The following FTSJ3 variants were observed in gnomAD, a reference collection of about 807,000 sequenced individuals.
FTSJ3 encodes FtsJ RNA 2'-O-methyltransferase 3.
Under a neutral mutation model 111.5 loss-of-function variants are expected in FTSJ3, and 46 were observed. The ratio of observed to expected loss-of-function variants is 0.41; its 90% CI spans 0.33 to 0.53. FTSJ3 has a LOEUF of 0.53. FTSJ3 is among the 20% of genes least tolerant of loss of function. FTSJ3 has a pLI of 0.19. For synonymous variants in FTSJ3, 408 were observed against 383.0 expected (o/e 1.07, Z -0.76); for missense variants, 1,075 against 1,063.8 (o/e 1.01, Z -0.15).
intron 19 of FTSJ3, 35 bp from the exon 20 acceptor site, chr17:63,820,208 T>TTCCCCCCCCC: frequency 7.2e-6 from 5 of 694,922 alleles, no homozygotes; most frequent in South Asian, 4.6e-5. Context: ...CTCTTCCCCA[T>TTCCCCCCCCC]CCCCCCACCC....
intron 18 of FTSJ3, 102 bp downstream of exon 18, chr17:63,820,737 T>C: frequency 1.3e-6 from 1 of 795,052 alleles, no homozygotes; most frequent in Non-Finnish European, 2.1e-6. Flanking sequence ...GCCATTGCAC[T>C]CCAGCCTGGG....
At chr17:63,826,990 TC>T (rs371513768) in intron 1 of FTSJ3, 61 bp downstream of exon 1, 2 of 171,992 alleles carry the variant, frequency 1.2e-5, no homozygotes, top group African/African-American at 1.1e-3. Flanking sequence ...ACTTCCAGTT[TC>T]CCACTTCCAG....
Position 63,826,627 on chromosome 17 carries a change from C to T in FTSJ3, c.113G>A (p.Arg38His), listed in dbSNP as rs1364698514. ...TCGGGCTTTCTGCAGGAACTGAAAGCGGCGATTGAGCTGGATCAGCTTGAA... is the reference window on the plus strand; with the variant it reads ...TCGGGCTTTCTGCAGGAACTGAAAGTGGCGATTGAGCTGGATCAGCTTGAA... ...SAFKLIQLNR[R>H]FQFLQKARAL... Residue 38 changes from arginine to histidine, a missense_variant, in exon 3 of 21, where the codon CGC (arginine) becomes CAC (histidine). Physicochemically the swap from Arg to His is conservative, Grantham distance 29 (BLOSUM62 0). Around this residue, in one of 2 missense-constraint regions of FTSJ3, gnomAD observed 208 missense variants for 266.9 expected, o/e 0.78. Transcript: ENST00000427159. 1.9e-5 allele frequency: 30 copies of T among 1,613,982 alleles called. No individual in the cohort carries two copies. In the East Asian group the frequency reaches 6.5e-4, roughly 35 times the overall value.
chr17:63,820,970 A>C, intron 17 of FTSJ3, 32 bp from the exon 18 acceptor site: 2 of 1,611,098 alleles, frequency 1.2e-6, no homozygotes, highest in Middle Eastern at 3.3e-4. Context: ...TCAAAGCTCA[A>C]TTCCCAATAC....
chr17:63,827,315 C>A lies in FTSJ3; in HGVS notation c.-290G>T. On this transcript the variant is annotated 5_prime_UTR_variant, in exon 1 of 21. Transcript: ENST00000427159. ...ACTCCTTCCTCATCCCCTTCCAAAG[C>A]CCCTGAACTCGAGTAGCCGCCCCTC... The A allele has an allele frequency of 2.6e-6, 2 of 759,328 alleles. No individual in the cohort carries two copies. The highest frequency in any genetic ancestry group is 1.7e-5 in the South Asian group (1 of 58,184). The allele number at this position is 759,328 out of a possible 1,614,324, so 47.0% of individuals were successfully genotyped here.
At position 63,820,254 on chromosome 17, in the gene FTSJ3, C is replaced by T; in HGVS notation, c.2256+1G>A. ...CAATCTCTGGAGGCCCCATCACTTA[C>T]CCTCCTTTTCTTTCTAGCCTTAGCC... On this transcript the variant is annotated splice_donor_variant, in intron 19 of 20. Coordinates refer to ENST00000427159, the MANE Select transcript of FTSJ3 (RefSeq NM_017647.4). LOFTEE classifies it high-confidence loss of function. 7.0e-7 allele frequency: 1 copy of T among 1,436,264 alleles called. No individual in the cohort carries two copies. The highest frequency in any genetic ancestry group is 9.4e-7 in the Non-Finnish European group (1 of 1,058,228). The allele number at this position is 1,436,264 out of a possible 1,614,324, so 89.0% of individuals were successfully genotyped here.
At chr17:63,824,517 A>G in intron 10 of FTSJ3, 106 bp from the exon 11 acceptor site, 2 of 1,458,772 alleles carry the variant, frequency 1.4e-6, no homozygotes, top group East Asian at 2.3e-5. Context: ...ACATAAATCA[A>G]AAGGCTCAGG....
Position 63,826,861 on chromosome 17 carries a change from C to T in FTSJ3, c.42G>A (p.Lys14=). 5 of 1,614,142 alleles carry T rather than the reference C, an allele frequency of 3.1e-6. No individual in the cohort carries two copies. Among genetic ancestry groups the T allele is most frequent in the East Asian group, 2.2e-5 (1 of 44,890 alleles). ...KGKVGKSRRD[K]FYHLAKETGY... Reference sequence around the variant, plus strand: ...CCGTCTCCTTCGCCAAGTGATAAAACTTGTCTCGTCGGCTCTTGCCAACTT... The same window carrying T: ...CCGTCTCCTTCGCCAAGTGATAAAATTTGTCTCGTCGGCTCTTGCCAACTT... Residue 14 remains lysine (K), a synonymous_variant, in exon 2 of 21, where the codon AAG becomes AAA. Coordinates refer to ENST00000427159, the MANE Select transcript of FTSJ3 (RefSeq NM_017647.4).
rs956530050 is a variant in FTSJ3, at chr17:63,827,279, G to A, written c.-254C>T. ...CAGAGTTTCAATGAGGCAACACTGA[G>A]GAGGAGTTCTACTCCTTCCTCATCC... On this transcript the variant is annotated 5_prime_UTR_variant, in exon 1 of 21. Coordinates refer to ENST00000427159, the MANE Select transcript of FTSJ3 (RefSeq NM_017647.4). 19 of 628,930 alleles carry A rather than the reference G, an allele frequency of 3.0e-5. No individual in the cohort carries two copies. Among genetic ancestry groups the A allele is most frequent in the Non-Finnish European group, 4.7e-5 (17 of 359,002 alleles). 39.0% of individuals were successfully genotyped at this position (628,930 alleles called of 1,614,324 possible).
intron 12 of FTSJ3, 41 bp downstream of exon 12, chr17:63,824,043 C>T: frequency 6.2e-7 from 1 of 1,613,976 alleles, no homozygotes; most frequent in Non-Finnish European, 8.5e-7. Context: ...CACACAGTCC[C>T]TGCGTTGGGG....
Position 63,821,817 on chromosome 17 carries a change from TCA to T in FTSJ3, c.1500_1501del (p.Asp500GlufsTer2). On this transcript the variant is annotated frameshift_variant, in exon 15 of 21. Transcript: ENST00000427159. LOFTEE classifies it high-confidence loss of function. ...ATTCTCCTCCTCCTCCTCCTCTTTA[TCA>T]TCTTGCACTTCAGTAAGTCGCATAC... 1.9e-6 allele frequency: 3 copies of T among 1,614,098 alleles called. No homozygotes were observed. The highest frequency in any genetic ancestry group is 2.5e-6 in the Non-Finnish European group (3 of 1,180,024).
chr17:63,821,468 G>A lies in FTSJ3; in HGVS notation c.1772C>T (p.Ala591Val). ...EIMSPLYQDE[A>V]PKGTEASSGT... ...CGAAGAAGCCTCTGTTCCCTTAGGG[G>A]CTTCATCTTGGTACAGGGGAGACAT... The change falls in exon 16 of 21, where the codon GCC (alanine) becomes GTC (valine). Residue 591 changes from alanine to valine, a missense_variant. Physicochemically the swap from Ala to Val is moderately conservative, Grantham distance 64. Coordinates refer to ENST00000427159, the MANE Select transcript of FTSJ3 (RefSeq NM_017647.4). The A allele has an allele frequency of 6.2e-7, 1 of 1,614,184 alleles. No individual in the cohort carries two copies. The highest frequency in any genetic ancestry group is 8.5e-7 in the Non-Finnish European group (1 of 1,180,038).
intron 5 of FTSJ3, 123 bp downstream of exon 5, chr17:63,825,933 C>G: frequency 1.3e-6 from 1 of 785,776 alleles, no homozygotes; most frequent in Non-Finnish European, 2.1e-6. Flanking sequence ...TAGGTCTTGT[C>G]GTACAGATGT....
At position 63,823,873 on chromosome 17, in the gene FTSJ3, T is replaced by C; in HGVS notation, c.1234A>G (p.Ile412Val). 2 of 1,614,176 alleles carry C rather than the reference T, an allele frequency of 1.2e-6. No homozygotes were observed. The highest frequency in any genetic ancestry group is 1.7e-6 in the Non-Finnish European group (2 of 1,180,030). Residue 412 changes from isoleucine to valine, a missense_variant, in exon 13 of 21, where the codon ATT (isoleucine) becomes GTT (valine). Transcript: ENST00000427159. ...ATGCCAGTCTCCCCCTCGTCTGCAA[T>C]GGAAACCCCAGGCAGATCCATCTTC... ...ELKMDLPGVSIADEGETGMFS... is the reference protein window; with the variant it reads ...ELKMDLPGVSVADEGETGMFS...
intron 17 of FTSJ3, 38 bp from the exon 18 acceptor site, chr17:63,820,976 A>G: frequency 1.2e-6 from 2 of 1,610,398 alleles, no homozygotes; most frequent in Non-Finnish European, 1.7e-6. Context: ...CTCAATTCCC[A>G]ATACTGAGAC....
At position 63,820,367 on chromosome 17, in the gene FTSJ3, C is replaced by T. The variant is rs1294267154; in HGVS notation, c.2144G>A (p.Arg715Gln). 8.1e-6 allele frequency: 13 copies of T among 1,614,180 alleles called. No homozygotes were observed. The highest frequency in any genetic ancestry group is 1.3e-5 in the African/African-American group (1 of 75,038). Residue 715 changes from arginine (R) to glutamine (Q), a missense_variant, in exon 19 of 21, where the codon CGA becomes CAA. By Grantham distance (43) the Arg-to-Gln change is conservative (BLOSUM62 1). This residue lies in a region of FTSJ3 where 867 missense variants were observed against 796.9 expected (regional missense o/e 1.09). Coordinates refer to ENST00000427159, the MANE Select transcript of FTSJ3 (RefSeq NM_017647.4). ...CTCCTTCTTACCAACAGGCAACTGT[C>T]GTATCCGGTGCTGCTTTTCCTCTTG... ...FVQEEKQHRI[R>Q]QLPVGKKEVE...
At position 63,821,939 on chromosome 17, in the gene FTSJ3, TC is replaced by T. The variant is rs756793505; in HGVS notation, c.1475+44del. ...CTCTGGTAGTACCCACCCTAACACT[TC>T]CTCAGAGTGGCAGCATTCCCTTTGG... On this transcript the variant is annotated intron_variant, in intron 14 of 20. Coordinates refer to ENST00000427159, the MANE Select transcript of FTSJ3 (RefSeq NM_017647.4). The T allele has an allele frequency of 7.4e-6, 12 of 1,612,196 alleles. No individual in the cohort carries two copies. In the Admixed American group the frequency reaches 2.0e-4, roughly 27 times the overall value.
chr17:63,827,289 T>A lies in FTSJ3; in HGVS notation c.-264A>T, dbSNP rs2040118255. 3.1e-6 allele frequency: 2 copies of A among 648,824 alleles called. No individual in the cohort carries two copies. The highest frequency in any genetic ancestry group is 3.6e-5 in the African/African-American group (2 of 54,842). The allele number at this position is 648,824 out of a possible 1,614,324, so 40.2% of individuals were successfully genotyped here. A position where few individuals can be genotyped will look rare whatever the true frequency, so the allele number is the denominator to read the frequency against. Reference sequence around the variant, plus strand: ...ATGAGGCAACACTGAGGAGGAGTTCTACTCCTTCCTCATCCCCTTCCAAAG... The same window carrying A: ...ATGAGGCAACACTGAGGAGGAGTTCAACTCCTTCCTCATCCCCTTCCAAAG... On this transcript the variant is annotated 5_prime_UTR_variant, in exon 1 of 21. The change abolishes the stop of an existing upstream ORF in the 5' untranslated region. Transcript: ENST00000427159.
Position 63,827,374 on chromosome 17 carries a change from C to A in FTSJ3, c.-349G>T. 1 of 1,437,316 alleles carries A rather than the reference C, an allele frequency of 7.0e-7. No individual in the cohort carries two copies. Among genetic ancestry groups the A allele is most frequent in the Non-Finnish European group, 9.6e-7 (1 of 1,046,528 alleles). 89.0% of individuals were successfully genotyped at this position (1,437,316 alleles called of 1,614,324 possible). On this transcript the variant is annotated 5_prime_UTR_variant, in exon 1 of 21. Coordinates refer to ENST00000427159, the MANE Select transcript of FTSJ3 (RefSeq NM_017647.4). Reference sequence around the variant, plus strand: ...GTTCCCTTAGTGTGGTCTCGCCGCACACCCCGCCCATTGACCCGGAATTCT... The same window carrying A: ...GTTCCCTTAGTGTGGTCTCGCCGCAAACCCCGCCCATTGACCCGGAATTCT...
Sources: allele counts gnomAD v4.1 joint callset, GRCh38; gene constraint gnomAD v4.1.1; regional missense constraint gnomAD v4.1.1; transcripts MANE v1.5; gene names NCBI Gene and HGNC (gene_info 2026-07-23, HGNC 2026-07-21).